DCDC1: variants seen among roughly 807,000 people sequenced by gnomAD.
DCDC1 encodes doublecortin domain-containing protein 1.
Under a neutral mutation model 178.3 loss-of-function variants are expected in DCDC1, and 200 were observed. The observed-to-expected ratio is 1.12, with a 90% CI of 1.00 to 1.26. The LOEUF (loss-of-function observed/expected upper bound fraction) is 1.26. Among genes scored for constraint, DCDC1 ranks in the 50% most tolerant of loss-of-function variants. DCDC1 has a pLI of 0.00. For synonymous variants in DCDC1, 690 were observed against 604.8 expected (o/e 1.14, Z -2.07); for missense variants, 1,983 against 1,749.2 (o/e 1.13, Z -2.38).
At chr11:31,340,124 G>T (rs1591805915) in intron 1 of DCDC1, among the ~76,000 whole-genome samples, 1 of 152,216 alleles carries the variant, frequency 6.6e-6, no homozygotes, top group Middle Eastern at 3.4e-3. Context: ...TAATTCAGAG[G>T]TCTGGTTTCC....
At chr11:30,914,447 C>T (rs568718988) in intron 27 of DCDC1, among the ~76,000 whole-genome samples, 1 of 152,308 alleles carries the variant, frequency 6.6e-6, no homozygotes, top group East Asian at 1.9e-4. Context: ...AAAATCTCAG[C>T]TCTTTCCCAG....
intron 18 of DCDC1, among the ~76,000 whole-genome samples, chr11:31,068,860 T>C (rs953875701): frequency 1.3e-5 from 2 of 152,136 alleles, no homozygotes; most frequent in Non-Finnish European, 1.5e-5. Context: ...AATGTATTTT[T>C]TTTTTTTTTG....
chr11:31,057,917 C>T (rs967093236), intron 20 of DCDC1, among the ~76,000 whole-genome samples: 2 of 152,124 alleles, frequency 1.3e-5, no homozygotes, highest in Admixed American at 6.6e-5. Context: ...TGCTCTTTTA[C>T]CGTAATGACT....
intron 9 of DCDC1, among the ~76,000 whole-genome samples, chr11:31,239,074 A>ATTG (rs781463655): frequency 2.0e-5 from 3 of 152,122 alleles, no homozygotes; most frequent in Non-Finnish European, 2.9e-5. Context: ...TCAAGATAAT[A>ATTG]TTGTTGTTTT....
chr11:30,904,777 T>TACATACA, intron 31 of DCDC1, 184 bp downstream of exon 31: 1 of 681,146 alleles, frequency 1.5e-6, no homozygotes, highest in East Asian at 2.7e-5. Flanking sequence ...TCTAAGTCTG[T>TACATACA]ATCCACTGAC....
intron 6 of DCDC1, among the ~76,000 whole-genome samples, chr11:31,298,778 C>A (rs906367434): frequency 2.6e-5 from 4 of 152,214 alleles, no homozygotes; most frequent in African/African-American, 9.6e-5. Flanking sequence ...ATGCTCCTAA[C>A]ATTATAATTT....
At chr11:31,050,169 A>G (rs1955147057) in intron 20 of DCDC1, among the ~76,000 whole-genome samples, 2 of 152,094 alleles carry the variant, frequency 1.3e-5, no homozygotes, top group Admixed American at 1.3e-4. Flanking sequence ...GGGTGGGCAC[A>G]GTGGGAGTGG....
rs763777697 is a variant in DCDC1, at chr11:31,290,747, T to C, written c.860A>G (p.Lys287Arg). The C allele has an allele frequency of 7.4e-6, 12 of 1,613,556 alleles. No individual in the cohort carries two copies. The highest frequency in any genetic ancestry group is 9.3e-6 in the Non-Finnish European group (11 of 1,179,594). Residue 287 changes from lysine to arginine, a missense_variant, in exon 7 of 39, where the codon AAG becomes AGG. Transcript: ENST00000684477. Reference sequence around the variant, plus strand: ...GACTGAGGTCCTCTCAGTAAGTTTCTTCATTCTAATAGAAAGAACAGGCTT... The same window carrying C: ...GACTGAGGTCCTCTCAGTAAGTTTCCTCATTCTAATAGAAAGAACAGGCTT... The part of the protein sequence containing the change: ...KTKPVLSIRM[K>R]KLTERTSVRI...
intron 9 of DCDC1, among the ~76,000 whole-genome samples, chr11:31,218,995 G>C (rs1973918745): frequency 6.6e-6 from 1 of 152,134 alleles, no homozygotes; most frequent in Non-Finnish European, 1.5e-5. Flanking sequence ...AACAGTGAAG[G>C]AGTGATCATA....
At chr11:30,947,148 T>C (rs1397839631) in intron 21 of DCDC1, among the ~76,000 whole-genome samples, 1 of 151,916 alleles carries the variant, frequency 6.6e-6, no homozygotes, top group East Asian at 1.9e-4. Flanking sequence ...ATTAATAATA[T>C]GGAAGAAAAA....
intron 9 of DCDC1, among the ~76,000 whole-genome samples, chr11:31,148,215 A>T (rs1332284201): frequency 6.8e-6 from 1 of 147,316 alleles, no homozygotes; most frequent in Non-Finnish European, 1.5e-5. Flanking sequence ...TATTATAAAA[A>T]AAAAAAAAAA....
intron 21 of DCDC1, among the ~76,000 whole-genome samples, chr11:30,951,232 A>G (rs1454756308): frequency 1.3e-5 from 2 of 152,136 alleles, no homozygotes; most frequent in African/African-American, 4.8e-5. Context: ...AGAAGATATT[A>G]AAACCAACCA....
chr11:31,133,471 A>C (rs1017121071), intron 10 of DCDC1, among the ~76,000 whole-genome samples: 2 of 152,222 alleles, frequency 1.3e-5, no homozygotes, highest in African/African-American at 4.8e-5. Flanking sequence ...AAACTGCCTA[A>C]AATCTCTTCT....
chr11:31,044,915 A>G (rs909765203), intron 20 of DCDC1, among the ~76,000 whole-genome samples: 9 of 152,280 alleles, frequency 5.9e-5, no homozygotes, highest in Admixed American at 4.6e-4. Context: ...CTACAATACC[A>G]TGTGGTGCTG....
intron 18 of DCDC1, among the ~76,000 whole-genome samples, chr11:31,068,927 C>G (rs1590938113): frequency 1.3e-5 from 2 of 152,068 alleles, no homozygotes; most frequent in African/African-American, 4.8e-5. Context: ...TCTCGGCTCA[C>G]TGCAAGCTCC....
chr11:31,296,424 C>T (rs1947689412), intron 6 of DCDC1, among the ~76,000 whole-genome samples: 1 of 152,316 alleles, frequency 6.6e-6, no homozygotes, highest in African/African-American at 2.4e-5. Flanking sequence ...TCAACAACAG[C>T]ATTTTGGTCA....
intron 10 of DCDC1, among the ~76,000 whole-genome samples, 159 bp downstream of exon 10, chr11:31,137,533 A>G (rs1963297870): frequency 6.6e-6 from 1 of 152,048 alleles, no homozygotes; most frequent in South Asian, 2.1e-4. Context: ...TATTTTTAGT[A>G]GAGATGGGGT....
At chr11:31,338,165 C>G (rs1950364973) in intron 1 of DCDC1, among the ~76,000 whole-genome samples, 1 of 152,166 alleles carries the variant, frequency 6.6e-6, no homozygotes, top group African/African-American at 2.4e-5. Flanking sequence ...GAGAAAGGAA[C>G]TTTTACAATT....
intron 9 of DCDC1, among the ~76,000 whole-genome samples, chr11:31,211,883 C>T (rs1356455888): frequency 1.3e-5 from 2 of 151,942 alleles, no homozygotes; most frequent in East Asian, 3.9e-4. Flanking sequence ...GAGATCGAGA[C>T]CATCCTGGCT....
Sources: allele counts gnomAD v4.1 joint callset (sites outside exome capture counted in the v4.1 genomes callset), GRCh38; gene constraint gnomAD v4.1.1; transcripts MANE v1.5; gene names NCBI Gene and HGNC (gene_info 2026-07-23, HGNC 2026-07-21).